The following WDR25 variants were observed in gnomAD, a reference collection of about 807,000 sequenced individuals.
The protein encoded by WDR25 is WD repeat domain 25.
WDR25 carries 35 observed loss-of-function variants against 47.7 expected under a neutral mutation model. The observed-to-expected ratio is 0.73, with a 90% CI of 0.56 to 0.97. WDR25 has a LOEUF of 0.97. Among genes scored for constraint, WDR25 ranks in the 50% least tolerant of loss-of-function variants. WDR25 has a pLI of 0.00. For synonymous variants in WDR25, 248 were observed against 278.9 expected (o/e 0.89, Z 1.10); for missense variants, 634 against 704.7 (o/e 0.90, Z 1.14).
chr14:100,525,912 A>C lies in WDR25; in HGVS notation c.1144A>C (p.Ile382Leu), dbSNP rs2030105014. The change falls in exon 5 of 7, where the codon ATC (isoleucine) becomes CTC (leucine). Residue 382 changes from isoleucine (I) to leucine (L), a missense_variant. Ile to Leu is a conservative substitution (Grantham distance 5, BLOSUM62 2). Transcript: ENST00000402312. This position sits in a 1 kb window ranked among gnomAD's most constrained non-coding sequence, Gnocchi z 4.6. ...GGCGACCATCCAGCAGACCTTGGAC[A>C]TCCTGTTCCTCCGGGAAGGCTCCGA... ...YKATIQQTLD[I>L]LFLREGSEFL... 6.2e-7 allele frequency: 1 copy of C among 1,613,816 alleles called. No individual in the cohort carries two copies.
chr14:100,473,596 G>A (rs539486380), intron 3 of WDR25, among the ~76,000 whole-genome samples: 17 of 152,278 alleles, frequency 1.1e-4, no homozygotes, highest in African/African-American at 4.1e-4. Context: ...GGCCACTGAG[G>A]GAAAGATGCC....
rs142106980 is a variant in WDR25 at position 100,506,830 on chromosome 14, G to A, written c.1102-19040G>A. On this transcript the variant is annotated intron_variant, in intron 4 of 6. Coordinates refer to ENST00000402312, the MANE Select transcript of WDR25 (RefSeq NM_001161476.3). This position sits in a 1 kb window ranked among gnomAD's most constrained non-coding sequence, Gnocchi z 4.8. ...TGGATATTACAGCTTTGTCAGATGC[G>A]TAGTTTGCAAATATTTCTCCTATTC... Among the ~76,000 whole-genome samples the A allele has an allele frequency of 1.2e-3, 178 of 152,136 alleles. No individual in the cohort carries two copies. The highest frequency in any genetic ancestry group is 3.5e-3 in the Admixed American group (53 of 15,290).
At chr14:100,415,922 A>G (rs140692947) in intron 2 of WDR25, among the ~76,000 whole-genome samples, 33 of 152,302 alleles carry the variant, frequency 2.2e-4, no homozygotes, top group African/African-American at 7.5e-4. Flanking sequence ...CTGGTTGCCA[A>G]GCACGATTGG....
intron 4 of WDR25, among the ~76,000 whole-genome samples, chr14:100,514,031 G>T (rs1047749511): frequency 6.6e-6 from 1 of 151,712 alleles, no homozygotes; most frequent in Non-Finnish European, 1.5e-5. Flanking sequence ...CGCCTCCCGG[G>T]TTCACGCCAT....
chr14:100,501,072 G>A (rs1233357692), intron 4 of WDR25, among the ~76,000 whole-genome samples: 1 of 152,192 alleles, frequency 6.6e-6, no homozygotes, highest in Non-Finnish European at 1.5e-5. Flanking sequence ...CTGGTGTAGT[G>A]CATGGTACAG....
At chr14:100,455,257 G>A (rs989365574) in intron 2 of WDR25, 4 of 152,158 alleles carry the variant, frequency 2.6e-5, no homozygotes, top group Admixed American at 2.6e-4. Context: ...GAAAAATACA[G>A]TATCTGAAAT....
intron 4 of WDR25, among the ~76,000 whole-genome samples, chr14:100,518,966 T>G (rs1362019984): frequency 6.6e-6 from 1 of 151,762 alleles, no homozygotes; most frequent in Non-Finnish European, 1.5e-5. Context: ...TCCCCAAAGC[T>G]CTGTTTATTT....
chr14:100,379,706 C>T (rs1463670647), intron 1 of WDR25, among the ~76,000 whole-genome samples: 1 of 150,168 alleles, frequency 6.7e-6, no homozygotes, highest in African/African-American at 2.4e-5. Flanking sequence ...CTTTTATGTC[C>T]TTCAATAAAA....
At chr14:100,453,515 T>C (rs1250743268) in intron 2 of WDR25, among the ~76,000 whole-genome samples, 1 of 152,244 alleles carries the variant, frequency 6.6e-6, no homozygotes, top group Non-Finnish European at 1.5e-5. Flanking sequence ...AGTAACATGC[T>C]CAATACATGA....
intron 5 of WDR25, among the ~76,000 whole-genome samples, chr14:100,528,833 C>T (rs200813514): frequency 3.9e-5 from 6 of 152,218 alleles, no homozygotes; most frequent in African/African-American, 1.2e-4. Flanking sequence ...AGTGCGGCTC[C>T]GCCAACATCT....
intron 2 of WDR25, among the ~76,000 whole-genome samples, chr14:100,401,265 T>G (rs924451605): frequency 6.6e-6 from 1 of 152,166 alleles, no homozygotes; most frequent in African/African-American, 2.4e-5. Context: ...AGGCCCAGTT[T>G]CTGCTTCTGC....
chr14:100,389,673 A>G (rs6575776), intron 2 of WDR25, among the ~76,000 whole-genome samples: 2,076 of 152,286 alleles, frequency 0.014, 66 homozygotes, highest in African/African-American at 0.048. Context: ...TTGGCAGAGG[A>G]CAGCGTACCT....
chr14:100,450,044 CT>C lies in WDR25; in HGVS notation c.823-17975del, dbSNP rs1341163993. Among the ~76,000 whole-genome samples the C allele has an allele frequency of 2.0e-5, 3 of 152,334 alleles. No individual in the cohort carries two copies. In the East Asian group the frequency reaches 5.8e-4, roughly 29 times the overall value. ...TCTGCGCACCCTCTTCACTTGTCTC[CT>C]TGTGTTATTCTGGCCTTTCCTATAG... On this transcript the variant is annotated intron_variant, in intron 2 of 6. Coordinates refer to ENST00000402312, the MANE Select transcript of WDR25 (RefSeq NM_001161476.3).
rs2295883 is a variant in WDR25, at chr14:100,407,706, C to G, written c.822+25960C>G. On this transcript the variant is annotated intron_variant, in intron 2 of 6. Transcript: ENST00000402312. The surrounding 1 kb of genome is among the most constrained non-coding windows in gnomAD (Gnocchi z 4.1). ...CTCCAAAGCATACAATTACTAAGAA[C>G]AGGGACCATAGTTTCACACTTCAGT... 53,374 of 152,068 alleles carry G rather than the reference C, an allele frequency of 0.35. 11,823 individuals are homozygous for G. The highest frequency in any genetic ancestry group is 0.66 in the South Asian group (3,174 of 4,816). 9.4% of individuals were successfully genotyped at this position (152,068 alleles called of 1,614,324 possible).
At chr14:100,509,354 GCT>G (rs1446561353) in intron 4 of WDR25, among the ~76,000 whole-genome samples, 1 of 151,940 alleles carries the variant, frequency 6.6e-6, no homozygotes, top group African/African-American at 2.4e-5. Flanking sequence ...CAAATTTATT[GCT>G]CTAAAATTGT....
At chr14:100,460,555 A>G (rs961993743) in intron 2 of WDR25, among the ~76,000 whole-genome samples, 1 of 152,248 alleles carries the variant, frequency 6.6e-6, no homozygotes, top group African/African-American at 2.4e-5. Context: ...TGACTGAACT[A>G]TAATGTTAAT....
chr14:100,383,443 A>G lies in WDR25; in HGVS notation c.822+1697A>G, dbSNP rs545522452. Among the ~76,000 whole-genome samples the G allele has an allele frequency of 2.4e-4, 36 of 152,322 alleles. No homozygotes were observed. The East Asian group carries it at 6.8e-3, about 29-fold the overall frequency. The stretch of plus-strand genomic sequence containing the variant: ...TGGAGGGTTGCTGGTGGGCCTGGGC[A>G]GTGTCTGACTGGCCCTGGAGTTCAA... On this transcript the variant is annotated intron_variant, in intron 2 of 6. Transcript: ENST00000402312.
intron 2 of WDR25, among the ~76,000 whole-genome samples, chr14:100,387,268 C>T (rs927167910): frequency 1.3e-5 from 2 of 152,086 alleles, no homozygotes; most frequent in Non-Finnish European, 2.9e-5. Context: ...AGACAAATCA[C>T]CCAGAATCCT....
intron 2 of WDR25, among the ~76,000 whole-genome samples, chr14:100,418,773 G>A (rs952309722): frequency 6.6e-6 from 1 of 152,076 alleles, no homozygotes. Context: ...TGGCGGGGGG[G>A]GGTCCTACTC....
Sources: allele counts gnomAD v4.1 joint callset (sites outside exome capture counted in the v4.1 genomes callset), GRCh38; gene constraint gnomAD v4.1.1; non-coding constraint Gnocchi (gnomAD v3.1); transcripts MANE v1.5; gene names NCBI Gene and HGNC (gene_info 2026-07-23, HGNC 2026-07-21).